Variants in EDN3 observed in about 807,000 individuals in gnomAD.
EDN3 encodes endothelin-3.
Under a neutral mutation model 21.4 loss-of-function variants are expected in EDN3, and 9 were observed. The observed-to-expected ratio is 0.42, with a 90% confidence interval of 0.25 to 0.73. EDN3 has a LOEUF of 0.73. Among genes scored for constraint, EDN3 ranks in the 30% least tolerant of loss-of-function variants. The pLI, the probability that EDN3 is intolerant of heterozygous loss-of-function variation, is 0.26. For synonymous variants in EDN3, 133 were observed against 126.2 expected (o/e 1.05, Z -0.36); for missense variants, 327 against 309.4 (o/e 1.06, Z -0.43).
At chr20:59,304,824 T>G (rs1382943334) in intron 2 of EDN3, among the ~76,000 whole-genome samples, 4 of 152,188 alleles carry the variant, frequency 2.6e-5, no homozygotes, top group Non-Finnish European at 5.9e-5. Flanking sequence ...TTTCCCCTCC[T>G]TAGTCCTTCC....
chr20:59,321,167 T>C lies in EDN3; in HGVS notation c.516T>C (p.Phe172=). Residue 172 remains phenylalanine, a synonymous_variant, in exon 3 of 5, where the codon TTT becomes TTC. Coordinates refer to ENST00000337938, the MANE Select transcript of EDN3 (RefSeq NM_207034.3). ...VGRYDKACLH[F]CTQTLDVSSN... The stretch of plus-strand genomic sequence containing the variant: ...GATATGACAAGGCCTGCCTGCACTT[T>C]TGCACCCAAACTCTGGACGTCAGCA... 1.2e-6 allele frequency: 2 copies of C among 1,614,234 alleles called. No homozygotes were observed. Among genetic ancestry groups the C allele is most frequent in the Non-Finnish European group, 1.7e-6 (2 of 1,180,038 alleles).
At chr20:59,324,256 T>G in intron 4 of EDN3, 75 bp from the exon 5 acceptor site, 1 of 1,596,420 alleles carries the variant, frequency 6.3e-7, no homozygotes. Flanking sequence ...CTTTTTCAGC[T>G]TCACAGAACT....
At chr20:59,313,524 G>T (rs180902906) in intron 2 of EDN3, among the ~76,000 whole-genome samples, 294 of 152,266 alleles carry the variant, frequency 1.9e-3, no homozygotes, top group African/African-American at 6.6e-3. Context: ...TTTTTGAGGG[G>T]GAAAGGAGGG....
intron 2 of EDN3, among the ~76,000 whole-genome samples, chr20:59,306,452 C>G (rs1989413785): frequency 6.6e-6 from 1 of 152,056 alleles, no homozygotes; most frequent in African/African-American, 2.4e-5. Context: ...TGCCAAGTCT[C>G]TCCTAATCCC....
At chr20:59,301,271 CTT>C in intron 1 of EDN3, 137 bp from the exon 2 acceptor site, 1 of 1,085,344 alleles carries the variant, frequency 9.2e-7, no homozygotes. Flanking sequence ...AGCTTGGAAA[CTT>C]TTCAGAAACT....
At chr20:59,302,604 G>A (rs895458452) in intron 2 of EDN3, among the ~76,000 whole-genome samples, 1 of 152,142 alleles carries the variant, frequency 6.6e-6, no homozygotes, top group Non-Finnish European at 1.5e-5. Flanking sequence ...CAACTCTCTG[G>A]CATTGGCTTC....
At chr20:59,319,973 C>T (rs1350847761) in intron 2 of EDN3, among the ~76,000 whole-genome samples, 1 of 152,188 alleles carries the variant, frequency 6.6e-6, no homozygotes, top group East Asian at 1.9e-4. Context: ...AGTTAAGGAT[C>T]TGCTTTCAAC....
chr20:59,301,819 T>C (rs1263081279), intron 2 of EDN3, 97 bp downstream of exon 2: 2 of 1,392,652 alleles, frequency 1.4e-6, no homozygotes, highest in African/African-American at 2.8e-5. Flanking sequence ...CCCCGCTCAG[T>C]TAGCCCAGAG....
At chr20:59,313,238 A>G (rs1438022823) in intron 2 of EDN3, among the ~76,000 whole-genome samples, 1 of 152,154 alleles carries the variant, frequency 6.6e-6, no homozygotes, top group Non-Finnish European at 1.5e-5. Flanking sequence ...TTATTGAGAT[A>G]TTGGGACTTG....
rs144321405 is a variant in EDN3, at chr20:59,306,884, C to A, written c.365+5162C>A. ...CCTGGGCCAGGCGCGGTGGCTCACA[C>A]CTATAAACCCAACACTTTGGGAGGC... On this transcript the variant is annotated intron_variant, in intron 2 of 4. Coordinates refer to ENST00000337938, the MANE Select transcript of EDN3 (RefSeq NM_207034.3). Among the ~76,000 whole-genome samples the A allele has an allele frequency of 3.3e-3, 496 of 152,224 alleles. 1 individual carries two copies. The highest frequency in any genetic ancestry group is 0.011 in the African/African-American group (467 of 41,536).
rs1990595019 is a variant in EDN3 at position 59,322,267 on chromosome 20, A to C, written c.543-105A>C. 1 of 1,280,878 alleles carries C rather than the reference A, an allele frequency of 7.8e-7. No individual in the cohort carries two copies. The highest frequency in any genetic ancestry group is 1.5e-5 in the African/African-American group (1 of 68,170). 79.3% of individuals were successfully genotyped at this position (1,280,878 alleles called of 1,614,324 possible). A position where few individuals can be genotyped will look rare whatever the true frequency, so the allele number is the denominator to read the frequency against. On this transcript the variant is annotated intron_variant, in intron 3 of 4. Transcript: ENST00000337938. The surrounding 1 kb of genome is among the most constrained non-coding windows in gnomAD (Gnocchi z 4.1). ...CTGAGACGCAGTCCTTGGGGAACGC[A>C]CTAATGTGCTCATTGGTGGGGAAGA...
At position 59,300,789 on chromosome 20, in the gene EDN3, T is replaced by TCCGGC; in HGVS notation, c.-24_-23insCCGGC. 6.2e-7 allele frequency: 1 copy of TCCGGC among 1,605,334 alleles called. No homozygotes were observed. The highest frequency in any genetic ancestry group is 2.2e-5 in the East Asian group (1 of 44,540). On this transcript the variant is annotated 5_prime_UTR_variant, in exon 1 of 5. It introduces an in-frame stop codon into an upstream open reading frame of the 5' UTR. Coordinates refer to ENST00000337938, the MANE Select transcript of EDN3 (RefSeq NM_207034.3). ...ACAAGCGGCCGTCCTCCTGGTCCGG[T>TCCGGC]GCTCCGGCGCCTGATCTAGGTTCAT...
intron 2 of EDN3, among the ~76,000 whole-genome samples, chr20:59,320,112 A>G (rs1192828420): frequency 6.6e-6 from 1 of 152,196 alleles, no homozygotes; most frequent in Non-Finnish European, 1.5e-5. Flanking sequence ...TCCTCCTGCC[A>G]ACGCCAACCA....
chr20:59,320,237 G>T (rs1047889947), intron 2 of EDN3, among the ~76,000 whole-genome samples: 2 of 152,234 alleles, frequency 1.3e-5, no homozygotes, highest in Non-Finnish European at 2.9e-5. Flanking sequence ...GTCACGGAGT[G>T]TTCCTTCTGA....
chr20:59,319,742 A>AAG (rs1990407828), intron 2 of EDN3, among the ~76,000 whole-genome samples: 4 of 150,906 alleles, frequency 2.7e-5, no homozygotes, highest in African/African-American at 7.3e-5. Context: ...AAAAAAAAAA[A>AAG]GAAAAAAAAG....
intron 2 of EDN3, among the ~76,000 whole-genome samples, chr20:59,316,042 T>G (rs1990157752): frequency 6.6e-6 from 1 of 152,030 alleles, no homozygotes; most frequent in African/African-American, 2.4e-5. Context: ...AAAAATTAGC[T>G]GGGTGTGGTG....
At chr20:59,306,176 T>A (rs967286689) in intron 2 of EDN3, among the ~76,000 whole-genome samples, 1 of 152,188 alleles carries the variant, frequency 6.6e-6, no homozygotes, top group African/African-American at 2.4e-5. Flanking sequence ...GGATGGTGAC[T>A]GTGTTTTCCA....
At chr20:59,301,326 C>G in intron 1 of EDN3, 84 bp from the exon 2 acceptor site, 1 of 1,504,818 alleles carries the variant, frequency 6.6e-7, no homozygotes, top group Non-Finnish European at 9.0e-7. Flanking sequence ...GCTTGCTCCA[C>G]CCCCCTCCTC....
At chr20:59,320,311 A>G (rs905591104) in intron 2 of EDN3, among the ~76,000 whole-genome samples, 2 of 152,190 alleles carry the variant, frequency 1.3e-5, no homozygotes, top group East Asian at 3.8e-4. Context: ...CTGTAATTGC[A>G]TTTCCCATCT....
Sources: gnomAD v4.1 joint callset for allele counts (sites outside exome capture counted in the v4.1 genomes callset) on GRCh38, gnomAD v4.1.1 for gene constraint, Gnocchi (gnomAD v3.1) non-coding constraint, MANE v1.5 for transcripts, NCBI Gene and HGNC (gene_info 2026-07-23, HGNC 2026-07-21) for gene names.